Variants in ATP2C1 observed in about 807,000 individuals in gnomAD.
The protein encoded by ATP2C1 is calcium-transporting ATPase type 2C member 1.
ATP2C1 carries 31 observed loss-of-function variants against 120.5 expected under a neutral mutation model. That is an observed-to-expected ratio of 0.26 (90% CI 0.19 to 0.35). The LOEUF (loss-of-function observed/expected upper bound fraction) is 0.35. Ranked by LOEUF, ATP2C1 falls within the 10% of genes least tolerant of loss-of-function variation. The pLI is 1.00. For synonymous variants in ATP2C1, 351 were observed against 358.7 expected, an observed-to-expected ratio of 0.98 and a Z score of 0.24; for missense variants, 731 against 1,107.5, an observed-to-expected ratio of 0.66 and a Z score of 4.83.
intron 1 of ATP2C1, among the ~76,000 whole-genome samples, chr3:130,887,967 C>T (rs1486459677): frequency 6.6e-6 from 1 of 152,216 alleles, no homozygotes; most frequent in African/African-American, 2.4e-5. Flanking sequence ...CTCAGAGTCT[C>T]ACCCAAGGCC....
intron 1 of ATP2C1, among the ~76,000 whole-genome samples, chr3:130,869,680 C>G (rs896475462): frequency 2.0e-5 from 3 of 152,180 alleles, no homozygotes; most frequent in African/African-American, 7.2e-5. Flanking sequence ...ACCAGGCATA[C>G]CATTCCTTTA....
At position 130,944,784 on chromosome 3, in the gene ATP2C1, A is replaced by C. The variant is rs148297166; in HGVS notation, c.531+3085A>C. On this transcript the variant is annotated intron_variant, in intron 8 of 27. Transcript: ENST00000510168. ...CAGAAGCCAGTGGTTGAGCCAAGAT[A>C]GTTTTCCCTTGGTATCCACTGAGGA... Among the ~76,000 whole-genome samples, 531 of 152,322 alleles carry C rather than the reference A, an allele frequency of 3.5e-3. 17 individuals carry two copies. The highest frequency in any genetic ancestry group is 0.023 in the Admixed American group (356 of 15,302).
At chr3:130,874,908 T>G (rs1203362279) in intron 1 of ATP2C1, among the ~76,000 whole-genome samples, 5 of 152,250 alleles carry the variant, frequency 3.3e-5, no homozygotes, top group Admixed American at 6.5e-5. Context: ...CAGGTGATGC[T>G]GATGCTGCTC....
chr3:130,940,937 T>C lies in ATP2C1; in HGVS notation c.422+246T>C, dbSNP rs187057791. ...TTTTTTTTTTTTTTTTTTTTTTAGA[T>C]GGAGTCTGGCTCTGTCACCCAGGCT... On this transcript the variant is annotated intron_variant, in intron 7 of 27. Transcript: ENST00000510168. 0.031 allele frequency among the ~76,000 whole-genome samples: 3,950 copies of C among 129,310 alleles called. 213 individuals carry two copies. Among genetic ancestry groups the C allele is most frequent in the African/African-American group, 0.11 (3,726 of 33,244 alleles). The allele number at this position is 129,310 out of a possible 152,430, so 84.8% of individuals were successfully genotyped here.
At chr3:130,917,377 TA>T (rs2058735571) in intron 2 of ATP2C1, among the ~76,000 whole-genome samples, 1 of 152,222 alleles carries the variant, frequency 6.6e-6, no homozygotes, top group East Asian at 1.9e-4. Context: ...TTCTTTTTTT[TA>T]AAAGCAGATT....
At chr3:130,860,846 C>T (rs1184200456) in intron 1 of ATP2C1, among the ~76,000 whole-genome samples, 1 of 152,160 alleles carries the variant, frequency 6.6e-6, no homozygotes, top group Non-Finnish European at 1.5e-5. Context: ...ACCATCATAA[C>T]TATTGTGTTT....
intron 20 of ATP2C1, among the ~76,000 whole-genome samples, chr3:130,988,390 T>G (rs963036575): frequency 6.6e-6 from 1 of 152,106 alleles, no homozygotes; most frequent in African/African-American, 2.4e-5. Flanking sequence ...CCCTTGTAGA[T>G]TGCTTCTGAA....
At chr3:130,997,115 C>T (rs1294137231) in intron 24 of ATP2C1, among the ~76,000 whole-genome samples, 1 of 151,936 alleles carries the variant, frequency 6.6e-6, no homozygotes, top group Non-Finnish European at 1.5e-5. Flanking sequence ...TTTCTGGGTT[C>T]AGTTTTATTA....
intron 20 of ATP2C1, among the ~76,000 whole-genome samples, chr3:130,989,255 A>AC (rs973548785): frequency 5.4e-5 from 8 of 147,228 alleles, no homozygotes; most frequent in East Asian, 2.0e-4. Flanking sequence ...CTCAAAAAAA[A>AC]AAAAAACAAA....
chr3:130,979,873 G>C (rs1342593369), intron 19 of ATP2C1, among the ~76,000 whole-genome samples: 1 of 152,148 alleles, frequency 6.6e-6, no homozygotes, highest in Non-Finnish European at 1.5e-5. Flanking sequence ...ATTACCGTAA[G>C]AAGTAGAATA....
At chr3:130,925,856 G>A (rs1327812941) in intron 2 of ATP2C1, among the ~76,000 whole-genome samples, 1 of 152,106 alleles carries the variant, frequency 6.6e-6, no homozygotes, top group Non-Finnish European at 1.5e-5. Context: ...GTCCCAGGGG[G>A]ATTGTGGCTG....
chr3:130,902,002 C>A (rs184841967), intron 2 of ATP2C1, among the ~76,000 whole-genome samples: 2 of 152,028 alleles, frequency 1.3e-5, no homozygotes, highest in Non-Finnish European at 2.9e-5. Context: ...TACCTCCCCC[C>A]GCCACCCTCA....
intron 13 of ATP2C1, 129 bp downstream of exon 13, chr3:130,964,224 A>T: frequency 1.5e-6 from 2 of 1,376,842 alleles, no homozygotes; most frequent in South Asian, 1.2e-5. Flanking sequence ...GCAAAATTGG[A>T]TATGGTTTTA....
chr3:130,854,043 A>G (rs2107689566), intron 1 of ATP2C1: 1 of 113,220 alleles, frequency 8.8e-6, no homozygotes, highest in East Asian at 2.2e-4. Context: ...GGTGTCATAC[A>G]GACAAGAAGA....
At chr3:130,927,853 G>A (rs984473426) in intron 2 of ATP2C1, 2 of 153,374 alleles carry the variant, frequency 1.3e-5, no homozygotes, top group Non-Finnish European at 1.5e-5. Flanking sequence ...AGCTTAAGCA[G>A]CATCTCACCT....
At chr3:130,968,267 G>A (rs1038141603) in intron 16 of ATP2C1, among the ~76,000 whole-genome samples, 7 of 152,174 alleles carry the variant, frequency 4.6e-5, no homozygotes, top group Admixed American at 1.3e-4. Context: ...AGTATTTCCT[G>A]TGTTATGCTT....
In ATP2C1 at chr3:130,959,192, C is replaced by T. The variant is rs767846719; in HGVS notation, c.833-83C>T. The T allele has an allele frequency of 4.8e-4, 470 of 976,742 alleles. 3 individuals carry two copies. The Middle Eastern group carries it at 5.5e-3, about 11-fold the overall frequency. 60.5% of individuals were successfully genotyped at this position (976,742 alleles called of 1,614,324 possible). ...ATGCTTTCCCTTTTTTGTCAAGGGA[C>T]GTTTTAGATTCCTTCAGCTTGTTCT... On this transcript the variant is annotated intron_variant, in intron 11 of 27. Transcript: ENST00000510168.
chr3:130,885,028 G>A (rs551451936), intron 1 of ATP2C1, among the ~76,000 whole-genome samples: 1 of 150,870 alleles, frequency 6.6e-6, no homozygotes, highest in African/African-American at 2.4e-5. Context: ...CCGCCTCCTG[G>A]GTTCAAGCGA....
At chr3:130,940,892 A>T (rs1409075865) in intron 7 of ATP2C1, among the ~76,000 whole-genome samples, 16 of 139,212 alleles carry the variant, frequency 1.1e-4, no homozygotes, top group African/African-American at 4.2e-4. Flanking sequence ...AGAGACATGG[A>T]TGTATTTAAC....
Sources: allele counts gnomAD v4.1 joint callset (sites outside exome capture counted in the v4.1 genomes callset), GRCh38; gene constraint gnomAD v4.1.1; transcripts MANE v1.5; gene names NCBI Gene and HGNC (gene_info 2026-07-23, HGNC 2026-07-21).